CDHR5: variants seen among roughly 807,000 people sequenced by gnomAD.
CDHR5 encodes cadherin-related family member 5.
In CDHR5, 82 loss-of-function variants were observed where a neutral mutation model predicts 69.5. That is an observed-to-expected ratio of 1.18 (90% CI 0.99 to 1.42). The LOEUF is 1.42. CDHR5 is among the 40% of genes most tolerant of loss of function. The probability of loss-of-function intolerance (pLI) is 0.00; values close to 1 mark genes in which losing one functional copy is unlikely to be tolerated. For missense variants in CDHR5, 1,293 were observed against 1,168.9 expected (o/e 1.11, Z -1.55); for synonymous variants, 601 against 510.2 (o/e 1.18, Z -2.40).
chr11:621,012 C>T lies in CDHR5; in HGVS notation c.789+68G>A, dbSNP rs1053397858. Reference sequence around the variant, plus strand: ...CGACCCCGCCCTTCCTCTCCTGATCCTGGCCGTCCCTGTGTCCAGCCTGCC... The same window carrying T: ...CGACCCCGCCCTTCCTCTCCTGATCTTGGCCGTCCCTGTGTCCAGCCTGCC... On this transcript the variant is annotated intron_variant, in intron 7 of 14. Coordinates refer to ENST00000397542, the MANE Select transcript of CDHR5 (RefSeq NM_021924.5). This position sits in a 1 kb window ranked among gnomAD's most constrained non-coding sequence, Gnocchi z 4.4. 3.2e-6 allele frequency: 4 copies of T among 1,232,108 alleles called. No individual in the cohort carries two copies. Among genetic ancestry groups the T allele is most frequent in the African/African-American group, 1.5e-5 (1 of 65,992 alleles). The allele number at this position is 1,232,108 out of a possible 1,614,324, so 76.3% of individuals were successfully genotyped here.
In CDHR5 at chr11:622,722, C is replaced by T. The variant is rs531634631; in HGVS notation, c.313-818G>A. On this transcript the variant is annotated intron_variant, in intron 3 of 14. Coordinates refer to ENST00000397542, the MANE Select transcript of CDHR5 (RefSeq NM_021924.5). The stretch of plus-strand genomic sequence containing the variant: ...AACTCTTGACCTCAGGTGATCTACC[C>T]GCCTCGGCCTCCCAAAGTGCTGGGA... Among the ~76,000 whole-genome samples, 31 of 152,136 alleles carry T rather than the reference C, an allele frequency of 2.0e-4. No homozygotes were observed. In the East Asian group the frequency reaches 3.3e-3, roughly 16 times the overall value.
At chr11:622,008 G>T (rs535753631) in intron 3 of CDHR5, 104 bp from the exon 4 acceptor site, 1 of 843,818 alleles carries the variant, frequency 1.2e-6, no homozygotes, top group Non-Finnish European at 1.9e-6. Flanking sequence ...ACCCCTCAAC[G>T]GCCACCTGTC....
chr11:617,558 G>T lies in CDHR5; in HGVS notation c.2331C>A (p.Ile777=). The change falls in exon 15 of 15, where the codon ATC becomes ATA. Residue 777 remains isoleucine (I), a synonymous_variant. Coordinates refer to ENST00000397542, the MANE Select transcript of CDHR5 (RefSeq NM_021924.5). ...CCTCCGGCCGCCGCTCCTTGGTCAG[G>T]ATGGACCTCACCGCCGTGGGGCTTC... ...AGGSPTAVRS[I]LTKERRPEGG... is the part of the protein sequence containing the mutation. 6.2e-7 allele frequency: 1 copy of T among 1,612,174 alleles called. No individual in the cohort carries two copies.
rs762486085 is a variant in CDHR5 at position 621,059 on chromosome 11, C to T, written c.789+21G>A. On this transcript the variant is annotated intron_variant, in intron 7 of 14. Coordinates refer to ENST00000397542, the MANE Select transcript of CDHR5 (RefSeq NM_021924.5). This position sits in a 1 kb window ranked among gnomAD's most constrained non-coding sequence, Gnocchi z 4.4. ...TGCCTAGAAGGCCCTGCCCCGTGCA[C>T]TGCCCCTCCCTCCCCATTACCAGTA... is the stretch of plus-strand genomic sequence containing the variant. 1.3e-6 allele frequency: 2 copies of T among 1,513,888 alleles called. No individual in the cohort carries two copies. The highest frequency in any genetic ancestry group is 1.8e-6 in the Non-Finnish European group (2 of 1,127,956). The allele number at this position is 1,513,888 out of a possible 1,614,324, so 93.8% of individuals were successfully genotyped here. A position where few individuals can be genotyped will look rare whatever the true frequency, so the allele number is the denominator to read the frequency against.
intron 3 of CDHR5, among the ~76,000 whole-genome samples, chr11:622,910 A>G (rs1857502940): frequency 2.0e-5 from 3 of 152,138 alleles, no homozygotes; most frequent in Non-Finnish European, 1.5e-5. Flanking sequence ...GTTTGTTTGA[A>G]TCAGGGCCCA....
Position 619,104 on chromosome 11 carries a change from A to G in CDHR5, c.1455T>C (p.Pro485=), listed in dbSNP as rs779507828. 5 of 1,607,294 alleles carry G rather than the reference A, an allele frequency of 3.1e-6. No individual in the cohort carries two copies. Among genetic ancestry groups the G allele is most frequent in the East Asian group, 4.5e-5 (2 of 44,790 alleles). The change falls in exon 13 of 15, where the codon CCT becomes CCC. Residue 485 remains proline (P), a synonymous_variant. Coordinates refer to ENST00000397542, the MANE Select transcript of CDHR5 (RefSeq NM_021924.5). ...TCGTGGAGGGTCCCTGGGAGGGCTC[A>G]GGGGGTCTGGGGACCTCGGAAGTGG... ...TSTTSEVPRP[P]EPSQGPSTTS... is the part of the protein sequence containing the mutation.
chr11:624,121 A>G lies in CDHR5; in HGVS notation c.312+92T>C. The G allele has an allele frequency of 1.4e-6, 1 of 691,388 alleles. No homozygotes were observed. 42.8% of individuals were successfully genotyped at this position (691,388 alleles called of 1,614,324 possible). A position where few individuals can be genotyped will look rare whatever the true frequency, so the allele number is the denominator to read the frequency against. On this transcript the variant is annotated intron_variant, in intron 3 of 14. Transcript: ENST00000397542. This position sits in a 1 kb window ranked among gnomAD's most constrained non-coding sequence, Gnocchi z 5.3. The stretch of plus-strand genomic sequence containing the variant: ...GGGGTGGAATTTGAAACCACACCCT[A>G]GCTGACGTCATCAAAGACTGGTCCT...
chr11:623,741 G>A (rs554386605), intron 3 of CDHR5, among the ~76,000 whole-genome samples: 1 of 152,156 alleles, frequency 6.6e-6, no homozygotes, highest in Non-Finnish European at 1.5e-5. Flanking sequence ...GGCCAGCAAA[G>A]GGCAACAGGG....
At position 620,321 on chromosome 11, in the gene CDHR5, CTGGT is replaced by C. The variant is rs1857295896; in HGVS notation, c.851_854del (p.Asn284SerfsTer12). 4.3e-6 allele frequency: 7 copies of C among 1,612,574 alleles called. No homozygotes were observed. The highest frequency in any genetic ancestry group is 5.9e-6 in the Non-Finnish European group (7 of 1,179,192). ...CCCTAAAGATGCTGTAGATGATGGG[CTGGT>C]TGATGCCGCGGTCTCCGTCCTCAGC... On this transcript the variant is annotated frameshift_variant, in exon 8 of 15. Coordinates refer to ENST00000397542, the MANE Select transcript of CDHR5 (RefSeq NM_021924.5). LOFTEE classifies it high-confidence loss of function.
chr11:624,408 C>T lies in CDHR5; in HGVS notation c.262-145G>A, dbSNP rs1164114187. ...CCCAGGCAGCTTCATCCCGAAATGG[C>T]CCAGCCTTCTAGGGCAGGCACCACC... On this transcript the variant is annotated intron_variant, in intron 2 of 14. Transcript: ENST00000397542. The surrounding 1 kb of genome is among the most constrained non-coding windows in gnomAD (Gnocchi z 5.3). The T allele has an allele frequency of 2.3e-6, 2 of 857,930 alleles. No individual in the cohort carries two copies. The highest frequency in any genetic ancestry group is 1.7e-5 in the African/African-American group (1 of 60,144). 53.1% of individuals were successfully genotyped at this position (857,930 alleles called of 1,614,324 possible).
Position 619,730 on chromosome 11 carries a change from G to A in CDHR5, c.1130C>T (p.Ala377Val). The A allele has an allele frequency of 6.2e-7, 1 of 1,612,860 alleles. No homozygotes were observed. The highest frequency in any genetic ancestry group is 8.5e-7 in the Non-Finnish European group (1 of 1,179,994). The change falls in exon 10 of 15, where the codon GCT (alanine) becomes GTT (valine). Residue 377 changes from alanine (A) to valine (V), a missense_variant. Physicochemically the swap from Ala to Val is moderately conservative, Grantham distance 64. Transcript: ENST00000397542. ...GATCCTCAGAGGCTGAGAAGGGGCAGCTGCATCCTTGACCACAACGCCCGC... is the reference window on the plus strand; with the variant it reads ...GATCCTCAGAGGCTGAGAAGGGGCAACTGCATCCTTGACCACAACGCCCGC... Reference protein sequence around the residue: ...AGAGVVVKDAAAPSQPLRIQA... With the variant: ...AGAGVVVKDAVAPSQPLRIQA...
At position 624,336 on chromosome 11, in the gene CDHR5, G is replaced by A. The variant is rs111335179; in HGVS notation, c.262-73C>T. 2.7e-5 allele frequency: 20 copies of A among 729,624 alleles called. No homozygotes were observed. The highest frequency in any genetic ancestry group is 3.8e-5 in the Non-Finnish European group (15 of 393,234). The allele number at this position is 729,624 out of a possible 1,614,324, so 45.2% of individuals were successfully genotyped here. A position where few individuals can be genotyped will look rare whatever the true frequency, so the allele number is the denominator to read the frequency against. On this transcript the variant is annotated intron_variant, in intron 2 of 14. Transcript: ENST00000397542. This position sits in a 1 kb window ranked among gnomAD's most constrained non-coding sequence, Gnocchi z 5.3. ...GGAGACTGAGGCCAAGTGGGCAGGC[G>A]CTGGCCCAGGGTCCCCATCATCAGT...
At position 621,398 on chromosome 11, in the gene CDHR5, G is replaced by T. The variant is rs141049065; in HGVS notation, c.565C>A (p.Arg189=). 6 of 1,612,898 alleles carry T rather than the reference G, an allele frequency of 3.7e-6. No homozygotes were observed. Among genetic ancestry groups the T allele is most frequent in the Non-Finnish European group, 5.1e-6 (6 of 1,179,970 alleles). The stretch of plus-strand genomic sequence containing the variant: ...GGCCGCTCGTAGAAGTCCAGGGGCC[G>T]GTCCAGCCTCAGGGCGGGACGGTTT... ...SVNRPALRLD[R]PLDFYERPNM... is the part of the protein sequence containing the mutation. The change falls in exon 6 of 15, where the codon CGG becomes AGG. Residue 189 remains arginine, a synonymous_variant. Transcript: ENST00000397542. This position sits in a 1 kb window ranked among gnomAD's most constrained non-coding sequence, Gnocchi z 4.4.
chr11:620,334 C>CG lies in CDHR5; in HGVS notation c.841dup (p.Arg281ProfsTer13), dbSNP rs758849762. 6.2e-7 allele frequency: 1 copy of CG among 1,612,794 alleles called. No individual in the cohort carries two copies. On this transcript the variant is annotated frameshift_variant, in exon 8 of 15. Transcript: ENST00000397542. LOFTEE classifies it high-confidence loss of function. The stretch of plus-strand genomic sequence containing the variant: ...GTAGATGATGGGCTGGTTGATGCCG[C>CG]GGTCTCCGTCCTCAGCGTAGATGGG...
chr11:618,483 C>A (rs565459851), intron 13 of CDHR5, 116 bp downstream of exon 13: 4 of 1,249,616 alleles, frequency 3.2e-6, no homozygotes, highest in Non-Finnish European at 4.5e-6. Flanking sequence ...CAAACAGACT[C>A]CTCTTTGGGA....
chr11:619,736 T>C lies in CDHR5; in HGVS notation c.1124A>G (p.Asp375Gly). ...RGAGAGVVVKDAAAPSQPLRI... is the reference protein window; with the variant it reads ...RGAGAGVVVKGAAAPSQPLRI... ...CAGAGGCTGAGAAGGGGCAGCTGCA[T>C]CCTTGACCACAACGCCCGCTCCAGC... is the stretch of plus-strand genomic sequence containing the variant. The change falls in exon 10 of 15, where the codon GAT becomes GGT. Residue 375 changes from aspartate (D) to glycine (G), a missense_variant. Asp to Gly is a moderately conservative substitution (Grantham distance 94). Coordinates refer to ENST00000397542, the MANE Select transcript of CDHR5 (RefSeq NM_021924.5). 1 of 1,612,664 alleles carries C rather than the reference T, an allele frequency of 6.2e-7. No individual in the cohort carries two copies. Among genetic ancestry groups the C allele is most frequent in the Non-Finnish European group, 8.5e-7 (1 of 1,179,996 alleles).
intron 7 of CDHR5, 139 bp downstream of exon 7, chr11:620,941 C>T (rs573742576): frequency 1.6e-6 from 1 of 615,320 alleles, no homozygotes; most frequent in East Asian, 2.9e-5. Context: ...GGAGAGTCTG[C>T]ATTTGTTTCA....
intron 13 of CDHR5, 143 bp downstream of exon 13, chr11:618,456 T>G: frequency 9.9e-7 from 1 of 1,011,234 alleles, no homozygotes; most frequent in Non-Finnish European, 1.5e-6. Context: ...CTTGGGCCTG[T>G]CTGTGTCTGT....
chr11:623,072 GC>G, intron 3 of CDHR5, among the ~76,000 whole-genome samples: 1 of 152,100 alleles, frequency 6.6e-6, no homozygotes, highest in East Asian at 2.0e-4. Flanking sequence ...ACTTTGGGAG[GC>G]CGAGGCGGGC....
Sources: gnomAD v4.1 joint callset for allele counts (sites outside exome capture counted in the v4.1 genomes callset) on GRCh38, gnomAD v4.1.1 for gene constraint, Gnocchi (gnomAD v3.1) non-coding constraint, MANE v1.5 for transcripts, NCBI Gene and HGNC (gene_info 2026-07-23, HGNC 2026-07-21) for gene names.